The following OSBPL1A variants were observed in gnomAD, a reference collection of about 807,000 sequenced individuals.
OSBPL1A encodes the protein oxysterol binding protein like 1A.
A neutral mutation model predicts 137.1 loss-of-function variants in OSBPL1A; 80 were observed. That is an observed-to-expected ratio of 0.58 (90% CI 0.49 to 0.70). The LOEUF is 0.70. Among genes scored for constraint, OSBPL1A ranks in the 30% least tolerant of loss-of-function variants. The pLI is 0.00. For synonymous variants in OSBPL1A, 365 were observed against 389.7 expected, an observed-to-expected ratio of 0.94 and a Z score of 0.75; for missense variants, 970 against 1,129.4, an observed-to-expected ratio of 0.86 and a Z score of 2.02.
intron 17 of OSBPL1A, among the ~76,000 whole-genome samples, chr18:24,216,088 A>G (rs1407578216): frequency 6.6e-6 from 1 of 152,218 alleles, no homozygotes; most frequent in Non-Finnish European, 1.5e-5. Context: ...TGGGGAAAGT[A>G]GTATCAAGGG....
intron 5 of OSBPL1A, among the ~76,000 whole-genome samples, chr18:24,338,538 C>G (rs751636087): frequency 6.6e-6 from 1 of 152,154 alleles, no homozygotes; most frequent in East Asian, 1.9e-4. Flanking sequence ...AAACTCCCTG[C>G]TACTCCATCA....
chr18:24,257,495 C>G (rs1038156554), intron 15 of OSBPL1A, among the ~76,000 whole-genome samples: 1 of 152,160 alleles, frequency 6.6e-6, no homozygotes, highest in Non-Finnish European at 1.5e-5. Flanking sequence ...GGATTAAGGA[C>G]TTAAATCTAA....
intron 18 of OSBPL1A, among the ~76,000 whole-genome samples, chr18:24,185,754 C>A (rs1167197298): frequency 6.6e-6 from 1 of 152,156 alleles, no homozygotes; most frequent in Non-Finnish European, 1.5e-5. Context: ...CTGAAAATTA[C>A]TTTATAAAAT....
At chr18:24,256,617 C>T (rs12457293) in intron 15 of OSBPL1A, among the ~76,000 whole-genome samples, 52,957 of 151,876 alleles carry the variant, frequency 0.35, 9,777 homozygotes, top group Middle Eastern at 0.49. Flanking sequence ...CTAGCTAGAG[C>T]AATCAGACAA....
intron 11 of OSBPL1A, 140 bp from the exon 12 acceptor site, chr18:24,314,487 G>GA (rs1357551042): frequency 1.9e-5 from 10 of 527,556 alleles, no homozygotes; most frequent in African/African-American, 1.5e-4. Flanking sequence ...ATAAAAATTG[G>GA]AAAAAAATAG....
At chr18:24,168,019 A>G (rs1380311661) in intron 24 of OSBPL1A, among the ~76,000 whole-genome samples, 3 of 152,200 alleles carry the variant, frequency 2.0e-5, no homozygotes, top group Non-Finnish European at 4.4e-5. Context: ...CATTTAAGTC[A>G]TTATCATCAT....
chr18:24,393,159 AT>A (rs1445989504), intron 1 of OSBPL1A, among the ~76,000 whole-genome samples: 1 of 152,270 alleles, frequency 6.6e-6, no homozygotes, highest in African/African-American at 2.4e-5. Context: ...CTCTGATGCA[AT>A]CATATACCTA....
At chr18:24,172,054 C>A (rs932282160) in intron 22 of OSBPL1A, among the ~76,000 whole-genome samples, 1 of 151,794 alleles carries the variant, frequency 6.6e-6, no homozygotes, top group Admixed American at 6.6e-5. Flanking sequence ...AATTCTCCTG[C>A]CTCAGCCTCC....
intron 4 of OSBPL1A, among the ~76,000 whole-genome samples, chr18:24,363,798 C>T (rs1239553798): frequency 1.3e-5 from 2 of 151,928 alleles, no homozygotes; most frequent in African/African-American, 4.8e-5. Context: ...CACACCACCA[C>T]ACCAGGCAAT....
intron 14 of OSBPL1A, among the ~76,000 whole-genome samples, chr18:24,292,523 A>G (rs931864895): frequency 1.3e-5 from 2 of 152,142 alleles, no homozygotes; most frequent in Non-Finnish European, 2.9e-5. Context: ...TTCATCACAC[A>G]CAGAGAGAAA....
At chr18:24,397,391 G>C (rs1465702204) in intron 1 of OSBPL1A, among the ~76,000 whole-genome samples, 2 of 152,238 alleles carry the variant, frequency 1.3e-5, no homozygotes, top group Non-Finnish European at 2.9e-5. Context: ...CACCCGAGTG[G>C]GAAGTGCAAC....
At chr18:24,339,480 C>A (rs1440973483) in intron 5 of OSBPL1A, among the ~76,000 whole-genome samples, 1 of 152,194 alleles carries the variant, frequency 6.6e-6, no homozygotes, top group Non-Finnish European at 1.5e-5. Context: ...GCTGACAAAT[C>A]ATATTACCTG....
chr18:24,391,358 G>A (rs1291030136), intron 1 of OSBPL1A, among the ~76,000 whole-genome samples: 1 of 152,082 alleles, frequency 6.6e-6, no homozygotes, highest in Admixed American at 6.6e-5. Flanking sequence ...AAAGGTCATG[G>A]GGATGGACAG....
At chr18:24,329,869 G>A (rs144102720) in intron 7 of OSBPL1A, among the ~76,000 whole-genome samples, 14 of 152,160 alleles carry the variant, frequency 9.2e-5, no homozygotes, top group African/African-American at 2.6e-4. Context: ...TTTTTAGACC[G>A]TTATTCTACA....
chr18:24,205,194 G>A (rs1042847774), intron 17 of OSBPL1A, among the ~76,000 whole-genome samples: 12 of 152,130 alleles, frequency 7.9e-5, no homozygotes, highest in African/African-American at 1.4e-4. Context: ...CTCCACAGCC[G>A]TCACTCCTGG....
chr18:24,318,539 G>A, intron 9 of OSBPL1A, 62 bp downstream of exon 9: 1 of 1,380,502 alleles, frequency 7.2e-7, no homozygotes, highest in South Asian at 1.2e-5. Context: ...GTTTTAAACA[G>A]AAATAGAGCA....
Position 24,283,264 on chromosome 18 carries a change from C to CAAAAAAA in OSBPL1A, c.1175-2323_1175-2317dup, listed in dbSNP as rs67218844. ...TGGGAGACAGAGCAAGACTCCATCT[C>CAAAAAAA]AAAAAAAAAAAAAAAAAATATATAT... On this transcript the variant is annotated intron_variant, in intron 14 of 27. Coordinates refer to ENST00000319481, the MANE Select transcript of OSBPL1A (RefSeq NM_080597.4). 1.7e-3 allele frequency among the ~76,000 whole-genome samples: 52 copies of CAAAAAAA among 30,668 alleles called. 1 individual carries two copies. Among genetic ancestry groups the CAAAAAAA allele is most frequent in the African/African-American group, 1.7e-3 (13 of 7,524 alleles). 20.1% of individuals were successfully genotyped at this position (30,668 alleles called of 152,430 possible).
chr18:24,231,200 T>C (rs2088266316), intron 16 of OSBPL1A, among the ~76,000 whole-genome samples: 1 of 152,218 alleles, frequency 6.6e-6, no homozygotes, highest in African/African-American at 2.4e-5. Flanking sequence ...AGTTCCTCAA[T>C]TAAAACAGCA....
chr18:24,330,415 G>A (rs549605676), intron 7 of OSBPL1A, among the ~76,000 whole-genome samples: 47 of 151,036 alleles, frequency 3.1e-4, no homozygotes, highest in Middle Eastern at 3.5e-3. Context: ...TTATTATCAA[G>A]ACAAAAAGGC....
Sources: allele counts gnomAD v4.1 joint callset (sites outside exome capture counted in the v4.1 genomes callset), GRCh38; gene constraint gnomAD v4.1.1; transcripts MANE v1.5; gene names NCBI Gene and HGNC (gene_info 2026-07-23, HGNC 2026-07-21).